The following PRTG variants were observed in gnomAD, a reference collection of about 807,000 sequenced individuals.
The protein encoded by PRTG is protogenin, also known as immunoglobulin superfamily, DCC subclass, member 5.
Under a neutral mutation model 122.5 loss-of-function variants are expected in PRTG, and 67 were observed. The observed-to-expected ratio is 0.55, with a 90% CI of 0.45 to 0.67. The LOEUF (loss-of-function observed/expected upper bound fraction) is 0.67. PRTG is among the 30% of genes least tolerant of loss of function. The pLI, the probability that PRTG is intolerant of heterozygous loss-of-function variation, is 0.00. For missense variants in PRTG, 1,435 were observed against 1,415.4 expected (o/e 1.01, Z -0.22); for synonymous variants, 554 against 501.1 (o/e 1.11, Z -1.41).
chr15:55,708,515 G>A (rs1220670179), intron 2 of PRTG, among the ~76,000 whole-genome samples: 1 of 152,134 alleles, frequency 6.6e-6, no homozygotes, highest in Non-Finnish European at 1.5e-5. Context: ...GGCTGAGGCA[G>A]GAGAATCGCT....
intron 1 of PRTG, among the ~76,000 whole-genome samples, chr15:55,741,562 ACT>A (rs755780657): frequency 2.0e-5 from 3 of 151,136 alleles, no homozygotes; most frequent in South Asian, 2.1e-4. Context: ...ACCATACAAT[ACT>A]CTGTCACCTC....
chr15:55,714,389 C>G (rs12439011), intron 2 of PRTG, among the ~76,000 whole-genome samples: 6 of 151,264 alleles, frequency 4.0e-5, no homozygotes, highest in South Asian at 2.1e-4. Context: ...CCCACCCCCC[C>G]GCTAGTTTTA....
At position 55,673,683 on chromosome 15, in the gene PRTG, A is replaced by G; in HGVS notation, c.1547-7T>C. ...TCAGGAGGTCTCAGGGGAACTAGTC[A>G]TAGAAGAAATCAGGTTGTTTATAAA... On this transcript the variant is annotated splice_region_variant and splice_polypyrimidine_tract_variant and intron_variant, in intron 9 of 19. Transcript: ENST00000389286. 1 of 1,608,572 alleles carries G rather than the reference A, an allele frequency of 6.2e-7. No individual in the cohort carries two copies. Among genetic ancestry groups the G allele is most frequent in the Non-Finnish European group, 8.5e-7 (1 of 1,175,486 alleles).
intron 2 of PRTG, among the ~76,000 whole-genome samples, chr15:55,723,752 CTT>C (rs769469226): frequency 3.1e-5 from 4 of 127,092 alleles, no homozygotes; most frequent in Admixed American, 8.9e-5. Context: ...TTTCTTTTTT[CTT>C]TTTTTTTTTT....
chr15:55,622,884 T>A (rs2059174767), intron 18 of PRTG, among the ~76,000 whole-genome samples: 1 of 152,170 alleles, frequency 6.6e-6, no homozygotes, highest in Admixed American at 6.5e-5. Context: ...TTCTAATGTT[T>A]TAGATCAATT....
At chr15:55,664,847 T>G (rs4337238) in intron 11 of PRTG, among the ~76,000 whole-genome samples, 1 of 151,896 alleles carries the variant, frequency 6.6e-6, no homozygotes, top group South Asian at 2.1e-4. Flanking sequence ...TCAGCCTCTC[T>G]AAGTGCTGGG....
chr15:55,714,019 T>C (rs571693857), intron 2 of PRTG, among the ~76,000 whole-genome samples: 2 of 152,336 alleles, frequency 1.3e-5, no homozygotes, highest in Non-Finnish European at 2.9e-5. Context: ...TTCAGGTACT[T>C]AACCCTGTAC....
chr15:55,670,166 G>C (rs1201346554), intron 11 of PRTG, among the ~76,000 whole-genome samples: 1 of 152,064 alleles, frequency 6.6e-6, no homozygotes, highest in East Asian at 1.9e-4. Context: ...ATGCATATAT[G>C]TATCTGTAGA....
chr15:55,641,182 GTC>G lies in PRTG; in HGVS notation c.2066_2067del (p.Arg689ThrfsTer27), dbSNP rs2059288402. Reference protein sequence around the residue: ...GLDPRRKYHVRLLAYNNIDDG... With the variant: ...GLDPRRKYHVXLLAYNNIDDG... ...TCGTCTATGTTGTTGTAAGCCAGGA[GTC>G]TCACATGATATTTTCTTCTGGGGTC... On this transcript the variant is annotated frameshift_variant, in exon 12 of 20. Coordinates refer to ENST00000389286, the MANE Select transcript of PRTG (RefSeq NM_173814.6). LOFTEE classifies it high-confidence loss of function. 6.2e-7 allele frequency: 1 copy of G among 1,613,506 alleles called. No homozygotes were observed.
intron 12 of PRTG, 94 bp from the exon 13 acceptor site, chr15:55,639,922 G>A: frequency 6.6e-7 from 1 of 1,504,834 alleles, no homozygotes. Context: ...CACCCTATAA[G>A]TTGATTTTAG....
At chr15:55,671,579 A>G (rs1419479751) in intron 11 of PRTG, among the ~76,000 whole-genome samples, 2 of 151,934 alleles carry the variant, frequency 1.3e-5, no homozygotes, top group African/African-American at 4.8e-5. Context: ...GCTCACTGCA[A>G]CCTCCACCAC....
At chr15:55,705,943 G>A (rs2030090730) in intron 2 of PRTG, among the ~76,000 whole-genome samples, 1 of 147,740 alleles carries the variant, frequency 6.8e-6, no homozygotes, top group Non-Finnish European at 1.5e-5. Context: ...CACCTCCTGG[G>A]TTCAAGCGAT....
intron 11 of PRTG, among the ~76,000 whole-genome samples, chr15:55,658,554 G>A (rs1003798402): frequency 3.9e-5 from 6 of 152,156 alleles, no homozygotes; most frequent in Admixed American, 6.5e-5. Flanking sequence ...CTGACCTCAC[G>A]ATCCGCCCAC....
At chr15:55,696,873 C>T (rs192974318) in intron 2 of PRTG, among the ~76,000 whole-genome samples, 28 of 152,210 alleles carry the variant, frequency 1.8e-4, no homozygotes, top group African/African-American at 6.3e-4. Flanking sequence ...GATCAAAATA[C>T]GTGACTAAGT....
chr15:55,674,864 A>G (rs1453498584), intron 9 of PRTG, among the ~76,000 whole-genome samples: 4 of 152,104 alleles, frequency 2.6e-5, no homozygotes, highest in African/African-American at 9.7e-5. Flanking sequence ...GAGACTCTGG[A>G]AAGACAGATC....
chr15:55,725,536 C>A (rs1422031716), intron 2 of PRTG, among the ~76,000 whole-genome samples: 1 of 151,372 alleles, frequency 6.6e-6, no homozygotes, highest in African/African-American at 2.4e-5. Context: ...GTTGAGGATG[C>A]AGTGAGCCGT....
intron 11 of PRTG, among the ~76,000 whole-genome samples, chr15:55,663,262 G>A (rs764790537): frequency 4.6e-5 from 7 of 152,182 alleles, no homozygotes; most frequent in Non-Finnish European, 1.0e-4. Flanking sequence ...CAATATCACA[G>A]TCTTAGCGGG....
chr15:55,720,851 T>G (rs1238484052), intron 2 of PRTG, among the ~76,000 whole-genome samples: 1 of 152,224 alleles, frequency 6.6e-6, no homozygotes. Flanking sequence ...GAATTTGTGT[T>G]GGGCTGCATT....
At chr15:55,674,518 T>G (rs2059491345) in intron 9 of PRTG, among the ~76,000 whole-genome samples, 1 of 152,164 alleles carries the variant, frequency 6.6e-6, no homozygotes, top group African/African-American at 2.4e-5. Context: ...ACGAGGTAAC[T>G]AGAGATGTCA....
Sources: gnomAD v4.1 joint callset for allele counts (sites outside exome capture counted in the v4.1 genomes callset) on GRCh38, gnomAD v4.1.1 for gene constraint, MANE v1.5 for transcripts, NCBI Gene and HGNC (gene_info 2026-07-23, HGNC 2026-07-21) for gene names.